XRCC4: variants seen among roughly 807,000 people sequenced by gnomAD.
XRCC4 encodes DNA repair protein XRCC4.
Under a neutral mutation model 39.1 loss-of-function variants are expected in XRCC4, and 28 were observed. The observed-to-expected ratio is 0.72, with a 90% confidence interval of 0.53 to 0.98. The LOEUF (loss-of-function observed/expected upper bound fraction) is 0.98. Ranked by LOEUF, XRCC4 falls within the 50% of genes least tolerant of loss-of-function variation. The pLI is 0.00. For synonymous variants in XRCC4, 123 were observed against 126.4 expected, an observed-to-expected ratio of 0.97 and a Z score of 0.18; for missense variants, 350 against 376.4, an observed-to-expected ratio of 0.93 and a Z score of 0.58.
chr5:83,256,615 A>G (rs2112890451), intron 6 of XRCC4, among the ~76,000 whole-genome samples: 1 of 151,698 alleles, frequency 6.6e-6, no homozygotes, highest in East Asian at 1.9e-4. Context: ...CAGCATTGGG[A>G]AATCTTTCAG....
intron 6 of XRCC4, among the ~76,000 whole-genome samples, chr5:83,227,641 C>G (rs985199375): frequency 6.6e-6 from 1 of 151,994 alleles, no homozygotes; most frequent in Non-Finnish European, 1.5e-5. Context: ...AACTAACACT[C>G]AATTATAGGT....
chr5:83,289,949 A>G (rs1754860057), intron 7 of XRCC4, among the ~76,000 whole-genome samples: 2 of 151,826 alleles, frequency 1.3e-5, no homozygotes. Flanking sequence ...ACTGTAGGAA[A>G]GGATGGAGAC....
intron 1 of XRCC4, among the ~76,000 whole-genome samples, chr5:83,092,265 A>G (rs1221208694): frequency 6.6e-6 from 1 of 152,092 alleles, no homozygotes; most frequent in Non-Finnish European, 1.5e-5. Flanking sequence ...TTAGCCCTTT[A>G]CCAAATATAT....
At chr5:83,112,175 TAA>T (rs547777325) in intron 3 of XRCC4, among the ~76,000 whole-genome samples, 69 of 152,334 alleles carry the variant, frequency 4.5e-4, no homozygotes, top group Admixed American at 2.3e-3. Context: ...CCAATTTATA[TAA>T]GTTTCAATAT....
At chr5:83,305,420 T>C (rs938774145) in intron 7 of XRCC4, among the ~76,000 whole-genome samples, 1 of 152,118 alleles carries the variant, frequency 6.6e-6, no homozygotes, top group Non-Finnish European at 1.5e-5. Context: ...ACATATTTCT[T>C]ACCTGAAAAA....
chr5:83,113,599 G>C (rs1746552244), intron 3 of XRCC4, among the ~76,000 whole-genome samples: 1 of 151,856 alleles, frequency 6.6e-6, no homozygotes, highest in Non-Finnish European at 1.5e-5. Flanking sequence ...GCAAACTTCT[G>C]CCTGGACATC....
chr5:83,321,559 G>A (rs763763754), intron 7 of XRCC4, among the ~76,000 whole-genome samples: 36 of 152,058 alleles, frequency 2.4e-4, no homozygotes, highest in Non-Finnish European at 4.3e-4. Context: ...TATTAATAAG[G>A]TGAATATGTT....
intron 7 of XRCC4, among the ~76,000 whole-genome samples, chr5:83,346,316 A>C (rs1279629847): frequency 6.6e-6 from 1 of 152,184 alleles, no homozygotes; most frequent in East Asian, 1.9e-4. Context: ...ACCTTCCACA[A>C]ATGAAGAAAC....
chr5:83,078,384 T>C (rs13177759), intron 1 of XRCC4, among the ~76,000 whole-genome samples: 27,165 of 152,274 alleles, frequency 0.18, 2,985 homozygotes, highest in Non-Finnish European at 0.25. Context: ...GGCAAGCTTT[T>C]GGTTCTAAAT....
chr5:83,214,901 C>T (rs79157603), intron 6 of XRCC4, among the ~76,000 whole-genome samples: 7,253 of 150,006 alleles, frequency 0.048, 538 homozygotes, highest in African/African-American at 0.17. Flanking sequence ...ATTGCCTTCA[C>T]AATAGCATCA....
chr5:83,332,889 T>C (rs1756481898), intron 7 of XRCC4, among the ~76,000 whole-genome samples: 1 of 152,174 alleles, frequency 6.6e-6, no homozygotes, highest in South Asian at 2.1e-4. Context: ...GTTCAAGTCC[T>C]TCCTTGGCCA....
At chr5:83,128,794 A>G (rs1016592365) in intron 3 of XRCC4, among the ~76,000 whole-genome samples, 3 of 152,066 alleles carry the variant, frequency 2.0e-5, no homozygotes, top group African/African-American at 4.8e-5. Flanking sequence ...GTCTGTTCAT[A>G]TCCTTTGCCC....
chr5:83,335,312 AATT>A (rs1240024403), intron 7 of XRCC4, among the ~76,000 whole-genome samples: 22 of 151,976 alleles, frequency 1.4e-4, no homozygotes, highest in African/African-American at 4.3e-4. Flanking sequence ...TCAGGAAAAC[AATT>A]ATTATTGTTA....
intron 4 of XRCC4, among the ~76,000 whole-genome samples, chr5:83,202,383 A>G (rs1022096895): frequency 1.3e-5 from 2 of 152,302 alleles, no homozygotes; most frequent in African/African-American, 4.8e-5. Context: ...ATCTTTGGCA[A>G]AGACTGTGCT....
At chr5:83,215,918 A>G (rs6884807) in intron 6 of XRCC4, among the ~76,000 whole-genome samples, 7,293 of 152,282 alleles carry the variant, frequency 0.048, 538 homozygotes, top group African/African-American at 0.16. Context: ...GTTCTCAACT[A>G]TAATATCAAA....
rs528271679 is a variant in XRCC4 at position 83,312,729 on chromosome 5, G to A, written c.894-40402G>A. ...CTGGGTGGTAGAAGACAGCTTATTG[G>A]CAGTATGGAGGCAGGAGTGAATGTG... On this transcript the variant is annotated intron_variant, in intron 7 of 7. Coordinates refer to ENST00000396027, the MANE Select transcript of XRCC4 (RefSeq NM_003401.5). Among the ~76,000 whole-genome samples the A allele has an allele frequency of 2.0e-5, 3 of 152,248 alleles. 1 individual carries two copies. Among genetic ancestry groups the A allele is most frequent in the East Asian group, 1.9e-4 (1 of 5,184 alleles).
At chr5:83,096,228 T>C (rs905948009) in intron 1 of XRCC4, among the ~76,000 whole-genome samples, 2 of 152,076 alleles carry the variant, frequency 1.3e-5, no homozygotes, top group African/African-American at 2.4e-5. Context: ...TGCTGTGGGA[T>C]AGAGGGTGGC....
chr5:83,252,144 A>G (rs1370388500), intron 6 of XRCC4, among the ~76,000 whole-genome samples: 3 of 152,210 alleles, frequency 2.0e-5, no homozygotes, highest in Non-Finnish European at 4.4e-5. Context: ...GACATACTAC[A>G]GAGGCACAAG....
intron 6 of XRCC4, among the ~76,000 whole-genome samples, chr5:83,249,693 C>T (rs1580423300): frequency 6.7e-6 from 1 of 149,328 alleles, no homozygotes; most frequent in African/African-American, 2.5e-5. Flanking sequence ...GTATATATTA[C>T]TGTTCCTTAT....
Sources: gnomAD v4.1 joint callset for allele counts (sites outside exome capture counted in the v4.1 genomes callset) on GRCh38, gnomAD v4.1.1 for gene constraint, MANE v1.5 for transcripts, NCBI Gene and HGNC (gene_info 2026-07-23, HGNC 2026-07-21) for gene names.